Variants in CDK14 observed in about 807,000 individuals in gnomAD.
CDK14 encodes the protein cyclin dependent kinase 14.
CDK14 carries 34 observed loss-of-function variants against 60.7 expected under a neutral mutation model. The ratio of observed to expected loss-of-function variants is 0.56; its 90% CI spans 0.43 to 0.75. The LOEUF is 0.75. Among genes scored for constraint, CDK14 ranks in the 30% least tolerant of loss-of-function variants. The pLI is 0.00. For missense variants in CDK14, 482 were observed against 564.1 expected (o/e 0.85, Z 1.47); for synonymous variants, 197 against 203.7 (o/e 0.97, Z 0.28).
intron 14 of CDK14, among the ~76,000 whole-genome samples, chr7:91,130,826 A>G (rs1300528552): frequency 2.0e-5 from 3 of 152,146 alleles, no homozygotes; most frequent in African/African-American, 7.2e-5. Context: ...TTGACCTCAC[A>G]TGGAGAGCCT....
chr7:90,769,467 T>C (rs996248458), intron 4 of CDK14, among the ~76,000 whole-genome samples: 2 of 88,724 alleles, frequency 2.3e-5, no homozygotes, highest in Middle Eastern at 9.6e-3. Context: ...TTCTTTCTCT[T>C]TTCTTTCTTT....
At chr7:90,639,160 T>A (rs138555563) in intron 2 of CDK14, among the ~76,000 whole-genome samples, 1 of 152,208 alleles carries the variant, frequency 6.6e-6, no homozygotes, top group Non-Finnish European at 1.5e-5. Flanking sequence ...CCAGCTTTGA[T>A]CTGTTGCTGG....
chr7:90,863,656 A>G (rs554049469), intron 6 of CDK14, among the ~76,000 whole-genome samples: 2 of 121,754 alleles, frequency 1.6e-5, no homozygotes, highest in South Asian at 2.7e-4. Flanking sequence ...TCTCAAAAGC[A>G]TGCTTATTAA....
chr7:91,009,753 A>G lies in CDK14; in HGVS notation c.1041+25512A>G, dbSNP rs146441725. Reference sequence around the variant, plus strand: ...ATGAGAACTTTATCAGTTATTTGTAAATATTTTCTCTCAGTCTCTGGTTTG... The same window carrying G: ...ATGAGAACTTTATCAGTTATTTGTAGATATTTTCTCTCAGTCTCTGGTTTG... On this transcript the variant is annotated intron_variant, in intron 10 of 14. Coordinates refer to ENST00000380050, the MANE Select transcript of CDK14 (RefSeq NM_001287135.2). 2.5e-3 allele frequency among the ~76,000 whole-genome samples: 385 copies of G among 152,138 alleles called. 2 individuals are homozygous for G. Among genetic ancestry groups the G allele is most frequent in the African/African-American group, 8.7e-3 (363 of 41,532 alleles).
At chr7:90,597,047 C>T in intron 1 of CDK14, 1 of 290,324 alleles carries the variant, frequency 3.4e-6, no homozygotes, top group Non-Finnish European at 6.5e-6. Flanking sequence ...CAAGGGGCTG[C>T]GCGGCTGCTT....
chr7:90,799,881 G>C (rs1240374083), intron 5 of CDK14, among the ~76,000 whole-genome samples: 3 of 151,948 alleles, frequency 2.0e-5, no homozygotes, highest in Non-Finnish European at 2.9e-5. Context: ...TTTGAGGGGG[G>C]ACATGGGAAA....
intron 12 of CDK14, among the ~76,000 whole-genome samples, chr7:91,098,501 AAAAAAGAAAG>A (rs1276035885): frequency 1.9e-4 from 29 of 151,514 alleles, no homozygotes; most frequent in South Asian, 1.9e-3. Flanking sequence ...ACTTAAAATA[AAAAAAGAAAG>A]AAAAAGAAAG....
chr7:90,679,196 C>G (rs1801264638), intron 2 of CDK14, among the ~76,000 whole-genome samples: 1 of 152,134 alleles, frequency 6.6e-6, no homozygotes, highest in Non-Finnish European at 1.5e-5. Flanking sequence ...AAGTAATCCT[C>G]CTGCATCTGC....
rs1463094847 is a variant in CDK14, at chr7:90,692,082, G to A, written c.124-34485G>A. Among the ~76,000 whole-genome samples, 5 of 152,140 alleles carry A rather than the reference G, an allele frequency of 3.3e-5. No individual in the cohort carries two copies. The East Asian group carries it at 9.6e-4, about 29-fold the overall frequency. On this transcript the variant is annotated intron_variant, in intron 2 of 14. Transcript: ENST00000380050. ...AAAGGTATAAAAAATAAAGGAAAAT[G>A]AAATATGGTGTGCTCCAATCTGCGA...
At chr7:90,867,336 C>A (rs571962060) in intron 6 of CDK14, among the ~76,000 whole-genome samples, 2 of 152,218 alleles carry the variant, frequency 1.3e-5, no homozygotes, top group African/African-American at 4.8e-5. Context: ...TCTACTTAAA[C>A]AGAAAGTTAA....
chr7:90,627,022 A>T (rs1164410509), intron 2 of CDK14, among the ~76,000 whole-genome samples: 1 of 152,192 alleles, frequency 6.6e-6, no homozygotes, highest in South Asian at 2.1e-4. Flanking sequence ...AGATAACTTT[A>T]CTTTTATTAT....
chr7:90,598,743 C>T (rs1424334142), intron 1 of CDK14, among the ~76,000 whole-genome samples: 1 of 104,550 alleles, frequency 9.6e-6, no homozygotes, highest in Admixed American at 1.1e-4. Context: ...CTCGCTCTGT[C>T]GCCCAGGCTG....
chr7:91,007,584 A>G (rs1211713739), intron 10 of CDK14, among the ~76,000 whole-genome samples: 2 of 152,224 alleles, frequency 1.3e-5, no homozygotes, highest in African/African-American at 4.8e-5. Context: ...GCAGCCAAGC[A>G]AATCCACCCC....
chr7:91,210,470 A>G lies in CDK14; in HGVS notation c.*3334A>G, dbSNP rs1803033374. The G allele has an allele frequency of 6.6e-6, 1 of 152,446 alleles. No individual in the cohort carries two copies. The highest frequency in any genetic ancestry group is 1.5e-5 in the Non-Finnish European group (1 of 68,036). The allele number at this position is 152,446 out of a possible 1,614,324, so 9.4% of individuals were successfully genotyped here. The stretch of plus-strand genomic sequence containing the variant: ...CATAGTAAGGAGAATGGAATAATAC[A>G]TGTTGCATATTTGTTACCAGTTGTA... On this transcript the variant is annotated 3_prime_UTR_variant, in exon 15 of 15. Transcript: ENST00000380050.
At chr7:90,604,130 A>G in intron 1 of CDK14, 88 bp from the exon 2 acceptor site, 1 of 824,162 alleles carries the variant, frequency 1.2e-6, no homozygotes, top group Non-Finnish European at 1.9e-6. Context: ...AAAACACCAT[A>G]CTGCCTTGTT....
intron 13 of CDK14, among the ~76,000 whole-genome samples, chr7:91,116,494 C>T (rs905068273): frequency 5.3e-5 from 8 of 152,130 alleles, no homozygotes; most frequent in Non-Finnish European, 1.0e-4. Context: ...TAGAGTTTGT[C>T]GATTTTCCCA....
intron 14 of CDK14, among the ~76,000 whole-genome samples, chr7:91,129,617 A>C (rs1273146208): frequency 6.6e-6 from 1 of 152,142 alleles, no homozygotes; most frequent in Non-Finnish European, 1.5e-5. Flanking sequence ...ATGGTTATTC[A>C]GACTTGGGTA....
intron 11 of CDK14, among the ~76,000 whole-genome samples, chr7:91,070,725 C>T (rs931996482): frequency 6.6e-6 from 1 of 151,878 alleles, no homozygotes; most frequent in African/African-American, 2.4e-5. Flanking sequence ...TGCCATTGCA[C>T]TCCAGCCTGG....
chr7:91,145,584 A>T (rs1198326583), intron 14 of CDK14, among the ~76,000 whole-genome samples: 1 of 152,216 alleles, frequency 6.6e-6, no homozygotes, highest in Non-Finnish European at 1.5e-5. Flanking sequence ...AACGTTCACA[A>T]TCCATGCTCA....
Sources: allele counts gnomAD v4.1 joint callset (sites outside exome capture counted in the v4.1 genomes callset), GRCh38; gene constraint gnomAD v4.1.1; transcripts MANE v1.5; gene names NCBI Gene and HGNC (gene_info 2026-07-23, HGNC 2026-07-21).